Variants in ARHGAP26 observed in about 807,000 individuals in gnomAD.
The protein encoded by ARHGAP26 is rho GTPase-activating protein 26.
In ARHGAP26, 38 loss-of-function variants were observed where a neutral mutation model predicts 104.8. That is an observed-to-expected ratio of 0.36 (90% CI 0.28 to 0.48). ARHGAP26 has a LOEUF of 0.48. Among genes scored for constraint, ARHGAP26 ranks in the 20% least tolerant of loss-of-function variants. The probability of loss-of-function intolerance (pLI) is 0.99; values close to 1 mark genes in which losing one functional copy is unlikely to be tolerated. For missense variants in ARHGAP26, 704 were observed against 947.9 expected, an observed-to-expected ratio of 0.74 and a Z score of 3.38; for synonymous variants, 341 against 340.0, an observed-to-expected ratio of 1.00 and a Z score of -0.03.
chr5:142,950,151 A>T (rs1768083274), intron 11 of ARHGAP26, among the ~76,000 whole-genome samples: 1 of 152,126 alleles, frequency 6.6e-6, no homozygotes, highest in African/African-American at 2.4e-5. Flanking sequence ...TAGAGAGAAC[A>T]AACTTTTAGG....
intron 1 of ARHGAP26, among the ~76,000 whole-genome samples, chr5:142,784,676 T>G (rs886550829): frequency 1.3e-5 from 2 of 152,202 alleles, no homozygotes; most frequent in African/African-American, 4.8e-5. Context: ...TAGGCGATGG[T>G]AGGCAGAGAC....
intron 1 of ARHGAP26, among the ~76,000 whole-genome samples, chr5:142,778,949 A>G (rs1179174723): frequency 7.5e-6 from 1 of 134,188 alleles, no homozygotes; most frequent in African/African-American, 4.0e-5. Context: ...ATAGAAAAAA[A>G]AAAAAAACTT....
intron 20 of ARHGAP26, among the ~76,000 whole-genome samples, chr5:143,157,211 C>G (rs1350110774): frequency 6.7e-6 from 1 of 148,618 alleles, no homozygotes; most frequent in African/African-American, 2.5e-5. Flanking sequence ...GAGTCTCACT[C>G]TGTCATCCAG....
chr5:143,145,416 C>T (rs1799036657), intron 19 of ARHGAP26, among the ~76,000 whole-genome samples: 1 of 152,218 alleles, frequency 6.6e-6, no homozygotes, highest in African/African-American at 2.4e-5. Flanking sequence ...CTCACTCTCT[C>T]TCTTTATATG....
rs568248148 is a variant in ARHGAP26 at position 142,823,442 on chromosome 5, A to G, written c.155-49958A>G. On this transcript the variant is annotated intron_variant, in intron 1 of 22. Coordinates refer to ENST00000645722, the MANE Select transcript of ARHGAP26 (RefSeq NM_001135608.3). Reference sequence around the variant, plus strand: ...TCCCTGCAGAAATAAAGCCACAGACATCTGAATGTGTTCCCACTTCTCCCA... The same window carrying G: ...TCCCTGCAGAAATAAAGCCACAGACGTCTGAATGTGTTCCCACTTCTCCCA... Among the ~76,000 whole-genome samples the G allele has an allele frequency of 1.1e-4, 17 of 152,058 alleles. No individual in the cohort carries two copies. The South Asian group carries it at 3.5e-3, about 32-fold the overall frequency.
intron 11 of ARHGAP26, among the ~76,000 whole-genome samples, chr5:142,984,624 TCA>T (rs913606882): frequency 1.3e-5 from 2 of 152,084 alleles, no homozygotes; most frequent in African/African-American, 4.8e-5. Flanking sequence ...ACATATACAG[TCA>T]CACACCATAT....
rs1163299506 is a variant in ARHGAP26, at chr5:143,227,323, T to A, written c.*4877T>A. 1.3e-5 allele frequency: 3 copies of A among 230,812 alleles called. No individual in the cohort carries two copies. The Admixed American group carries it at 1.7e-4, about 13-fold the overall frequency. The allele number at this position is 230,812 out of a possible 1,614,324, so 14.3% of individuals were successfully genotyped here. A position where few individuals can be genotyped will look rare whatever the true frequency, so the allele number is the denominator to read the frequency against. ...CCTAGGTGTTCTGCCAAAGGAGTTATCTATCATCTCTGGCAAACTTGACAA... is the reference window on the plus strand; with the variant it reads ...CCTAGGTGTTCTGCCAAAGGAGTTAACTATCATCTCTGGCAAACTTGACAA... On this transcript the variant is annotated 3_prime_UTR_variant, in exon 23 of 23. Coordinates refer to ENST00000645722, the MANE Select transcript of ARHGAP26 (RefSeq NM_001135608.3).
intron 22 of ARHGAP26, among the ~76,000 whole-genome samples, chr5:143,217,372 A>C (rs1562632145): frequency 6.6e-6 from 1 of 152,182 alleles, no homozygotes; most frequent in Admixed American, 6.5e-5. Context: ...ATCCCTGGCC[A>C]ATCTACTGGG....
chr5:142,885,180 A>C, intron 4 of ARHGAP26, 118 bp from the exon 5 acceptor site: 2 of 787,520 alleles, frequency 2.5e-6, no homozygotes, highest in Non-Finnish European at 4.2e-6. Flanking sequence ...GCATTACCTG[A>C]AAAGTAGGAG....
chr5:143,024,525 C>T (rs1401348866), intron 12 of ARHGAP26, among the ~76,000 whole-genome samples: 1 of 152,124 alleles, frequency 6.6e-6, no homozygotes, highest in Non-Finnish European at 1.5e-5. Flanking sequence ...ACCCCTAAAG[C>T]CCAGTGCAAG....
intron 12 of ARHGAP26, among the ~76,000 whole-genome samples, chr5:143,020,564 C>T (rs905456674): frequency 3.3e-5 from 5 of 151,666 alleles, no homozygotes; most frequent in African/African-American, 1.2e-4. Flanking sequence ...ATAACACTTC[C>T]TCCTCTTTGC....
chr5:143,097,531 T>C (rs10060327), intron 17 of ARHGAP26, among the ~76,000 whole-genome samples: 144,736 of 152,162 alleles, frequency 0.95, 68,913 homozygotes, highest in East Asian at 1. Context: ...AAAATTGCCT[T>C]ATGCAATGGC....
intron 1 of ARHGAP26, among the ~76,000 whole-genome samples, chr5:142,791,961 A>AAG (rs1554107813): frequency 6.6e-6 from 1 of 151,882 alleles, no homozygotes; most frequent in African/African-American, 2.4e-5. Context: ...AAAAAAAAAA[A>AAG]AGGTGTTAAG....
At chr5:142,834,278 A>G (rs141332341) in intron 1 of ARHGAP26, among the ~76,000 whole-genome samples, 1 of 152,342 alleles carries the variant, frequency 6.6e-6, no homozygotes, top group East Asian at 1.9e-4. Context: ...AATAAAAATG[A>G]TTAGCATCCT....
intron 11 of ARHGAP26, among the ~76,000 whole-genome samples, chr5:143,013,168 T>TA (rs35677404): frequency 2.0e-5 from 3 of 152,008 alleles, no homozygotes; most frequent in East Asian, 1.9e-4. Flanking sequence ...CAACCTCTCT[T>TA]AAAAAAAACT....
chr5:143,125,127 G>A (rs1224561256), intron 18 of ARHGAP26, among the ~76,000 whole-genome samples: 1 of 152,220 alleles, frequency 6.6e-6, no homozygotes, highest in East Asian at 1.9e-4. Flanking sequence ...GGAAAGAGAA[G>A]TGGGTAATTC....
intron 1 of ARHGAP26, among the ~76,000 whole-genome samples, chr5:142,794,444 T>C (rs1760544353): frequency 6.6e-6 from 1 of 152,234 alleles, no homozygotes. Flanking sequence ...CACGGTCATC[T>C]GTGGAAGAGA....
chr5:143,084,414 C>G (rs1419464748), intron 17 of ARHGAP26, among the ~76,000 whole-genome samples: 2 of 152,164 alleles, frequency 1.3e-5, no homozygotes, highest in African/African-American at 2.4e-5. Flanking sequence ...AAAAGCTGCT[C>G]ACCCTCTTTT....
chr5:142,790,911 G>A (rs1306398742), intron 1 of ARHGAP26, among the ~76,000 whole-genome samples: 2 of 151,956 alleles, frequency 1.3e-5, no homozygotes, highest in African/African-American at 4.8e-5. Context: ...TAGTCTTTAT[G>A]GTACTTCTCA....
Sources: gnomAD v4.1 joint callset for allele counts (sites outside exome capture counted in the v4.1 genomes callset) on GRCh38, gnomAD v4.1.1 for gene constraint, MANE v1.5 for transcripts, NCBI Gene and HGNC (gene_info 2026-07-23, HGNC 2026-07-21) for gene names.